Variants in DDAH1 observed in about 807,000 individuals in gnomAD.
DDAH1 encodes the protein N(G),N(G)-dimethylarginine dimethylaminohydrolase 1.
A neutral mutation model predicts 28.8 loss-of-function variants in DDAH1; 19 were observed. The observed-to-expected ratio is 0.66, with a 90% CI of 0.46 to 0.97. DDAH1 has a LOEUF of 0.97. DDAH1 is among the 50% of genes least tolerant of loss of function. The pLI is 0.00. For missense variants in DDAH1, 326 were observed against 375.9 expected, an observed-to-expected ratio of 0.87 and a Z score of 1.10; for synonymous variants, 153 against 154.4, an observed-to-expected ratio of 0.99 and a Z score of 0.07.
intron 1 of DDAH1, among the ~76,000 whole-genome samples, chr1:85,575,465 T>G (rs1051368782): frequency 6.6e-6 from 1 of 152,212 alleles, no homozygotes; most frequent in African/African-American, 2.4e-5. Flanking sequence ...CCCACCAGCC[T>G]GCCAAGGTGC....
intron 1 of DDAH1, among the ~76,000 whole-genome samples, chr1:85,514,354 G>A (rs951453229): frequency 1.3e-5 from 2 of 152,030 alleles, no homozygotes; most frequent in African/African-American, 2.4e-5. Flanking sequence ...TGGACACAGG[G>A]TGGGGAACAT....
intron 1 of DDAH1, among the ~76,000 whole-genome samples, chr1:85,548,259 T>C (rs957434239): frequency 1.3e-5 from 2 of 152,220 alleles, no homozygotes; most frequent in African/African-American, 4.8e-5. Flanking sequence ...GATCATTTTG[T>C]TTAACTCTCA....
chr1:85,342,023 T>A (rs148972643), intron 4 of DDAH1, among the ~76,000 whole-genome samples: 1 of 152,192 alleles, frequency 6.6e-6, no homozygotes, highest in African/African-American at 2.4e-5. Flanking sequence ...GCATTTCACC[T>A]TGACTGGCTG....
intron 1 of DDAH1, among the ~76,000 whole-genome samples, chr1:85,452,322 A>G (rs1240893611): frequency 6.6e-6 from 1 of 152,222 alleles, no homozygotes; most frequent in Non-Finnish European, 1.5e-5. Flanking sequence ...GTTGACAACA[A>G]CAACGACATA....
At chr1:85,400,934 C>G (rs1401265605) in intron 1 of DDAH1, among the ~76,000 whole-genome samples, 4 of 152,174 alleles carry the variant, frequency 2.6e-5, no homozygotes, top group Non-Finnish European at 5.9e-5. Flanking sequence ...TCTATCCCTT[C>G]TGCAGTACAA....
chr1:85,528,005 C>T (rs1387804035), intron 1 of DDAH1, among the ~76,000 whole-genome samples: 4 of 151,966 alleles, frequency 2.6e-5, no homozygotes, highest in Admixed American at 2.0e-4. Context: ...ATTGTTTTAA[C>T]AAATGTTATT....
At chr1:85,383,735 T>C (rs1204706383) in intron 1 of DDAH1, among the ~76,000 whole-genome samples, 1 of 152,204 alleles carries the variant, frequency 6.6e-6, no homozygotes, top group African/African-American at 2.4e-5. Flanking sequence ...ACAACCCTGA[T>C]AGGTCGGCAG....
intron 1 of DDAH1, among the ~76,000 whole-genome samples, chr1:85,553,024 G>T (rs750307294): frequency 6.6e-6 from 1 of 152,122 alleles, no homozygotes; most frequent in Admixed American, 6.5e-5. Flanking sequence ...CTTGCTCTGA[G>T]GGGAGGCAGC....
intron 1 of DDAH1, among the ~76,000 whole-genome samples, chr1:85,548,841 G>A (rs992457372): frequency 6.6e-6 from 1 of 152,210 alleles, no homozygotes; most frequent in Non-Finnish European, 1.5e-5. Flanking sequence ...TTCACATAGT[G>A]TAAGCTCTGA....
intron 2 of DDAH1, among the ~76,000 whole-genome samples, chr1:85,490,443 T>A (rs1025939427): frequency 2.0e-5 from 3 of 152,310 alleles, no homozygotes; most frequent in South Asian, 2.1e-4. Context: ...TGATGAGTGG[T>A]CATTGAACCA....
At position 85,464,018 on chromosome 1, in the gene DDAH1, T is replaced by C. The variant is rs1304845996; in HGVS notation, c.303+725A>G. Reference sequence around the variant, plus strand: ...CTTAATTGCTGTGAGTTTAAAAATATAGAGAATAAAAATTATGGAATTTGT... The same window carrying C: ...CTTAATTGCTGTGAGTTTAAAAATACAGAGAATAAAAATTATGGAATTTGT... On this transcript the variant is annotated intron_variant, in intron 1 of 5. Coordinates refer to ENST00000284031, the MANE Select transcript of DDAH1 (RefSeq NM_012137.4). This position sits in a 1 kb window ranked among gnomAD's most constrained non-coding sequence, Gnocchi z 4.4. Among the ~76,000 whole-genome samples the C allele has an allele frequency of 1.3e-5, 2 of 152,196 alleles. No individual in the cohort carries two copies. The highest frequency in any genetic ancestry group is 2.4e-5 in the African/African-American group (1 of 41,448).
chr1:85,524,664 T>G, intron 1 of DDAH1, among the ~76,000 whole-genome samples: 1 of 152,144 alleles, frequency 6.6e-6, no homozygotes, highest in East Asian at 1.9e-4. Flanking sequence ...TTAATACTCC[T>G]TCTTTCCCCT....
At chr1:85,383,634 GT>G (rs1179652379) in intron 1 of DDAH1, among the ~76,000 whole-genome samples, 1 of 152,182 alleles carries the variant, frequency 6.6e-6, no homozygotes, top group African/African-American at 2.4e-5. Context: ...ACAGAGAAAT[GT>G]TTCATGAAAG....
intron 1 of DDAH1, among the ~76,000 whole-genome samples, chr1:85,377,133 C>A (rs1174413204): frequency 6.6e-6 from 1 of 152,114 alleles, no homozygotes; most frequent in Non-Finnish European, 1.5e-5. Flanking sequence ...AGGTGACCAA[C>A]TCCCAGTAGG....
chr1:85,439,302 G>A (rs12130591), intron 1 of DDAH1, among the ~76,000 whole-genome samples: 25,745 of 152,160 alleles, frequency 0.17, 2,428 homozygotes, highest in Middle Eastern at 0.23. Flanking sequence ...CTAGAACTGT[G>A]GAAGCTAAAG....
At chr1:85,447,630 G>A (rs1172558299) in intron 1 of DDAH1, among the ~76,000 whole-genome samples, 1 of 152,190 alleles carries the variant, frequency 6.6e-6, no homozygotes, top group Non-Finnish European at 1.5e-5. Context: ...CATTGACCTA[G>A]TAATATGATT....
rs143508279 is a variant in DDAH1, at chr1:85,333,644, C to T, written c.598-8761G>A. On this transcript the variant is annotated intron_variant, in intron 4 of 5. Coordinates refer to ENST00000284031, the MANE Select transcript of DDAH1 (RefSeq NM_012137.4). ...AAGGAGATAGACATATAAAAAAGAA[C>T]CAAAGAGAAATCCTGAAACTGAAGA... Among the ~76,000 whole-genome samples, 509 of 151,004 alleles carry T rather than the reference C, an allele frequency of 3.4e-3. 2 individuals are homozygous for T. The highest frequency in any genetic ancestry group is 0.012 in the African/African-American group (488 of 41,134).
At chr1:85,566,985 A>G (rs1444704479) in intron 1 of DDAH1, among the ~76,000 whole-genome samples, 1 of 152,180 alleles carries the variant, frequency 6.6e-6, no homozygotes, top group East Asian at 1.9e-4. Flanking sequence ...TCAGATTGAG[A>G]CTGAAGGCAG....
At chr1:85,492,627 C>T (rs1656446266) in intron 2 of DDAH1, among the ~76,000 whole-genome samples, 1 of 152,064 alleles carries the variant, frequency 6.6e-6, no homozygotes, top group Non-Finnish European at 1.5e-5. Context: ...AAATAATGAA[C>T]ATTCTGATTT....
Sources: gnomAD v4.1 joint callset for allele counts (sites outside exome capture counted in the v4.1 genomes callset) on GRCh38, gnomAD v4.1.1 for gene constraint, Gnocchi (gnomAD v3.1) non-coding constraint, MANE v1.5 for transcripts, NCBI Gene and HGNC (gene_info 2026-07-23, HGNC 2026-07-21) for gene names.